Variants in DLG2 observed in about 807,000 individuals in gnomAD.
The protein encoded by DLG2 is disks large homolog 2.
Under a neutral mutation model 132.5 loss-of-function variants are expected in DLG2, and 45 were observed. That is an observed-to-expected ratio of 0.34 (90% CI 0.27 to 0.44). The LOEUF is 0.44. DLG2 is among the 20% of genes least tolerant of loss of function. The pLI, the probability that DLG2 is intolerant of heterozygous loss-of-function variation, is 1.00. For synonymous variants in DLG2, 424 were observed against 419.6 expected, an observed-to-expected ratio of 1.01 and a Z score of -0.13; for missense variants, 1,045 against 1,196.9, an observed-to-expected ratio of 0.87 and a Z score of 1.87.
chr11:85,558,574 A>G (rs763636067), intron 3 of DLG2, among the ~76,000 whole-genome samples: 1 of 151,978 alleles, frequency 6.6e-6, no homozygotes, highest in Non-Finnish European at 1.5e-5. Flanking sequence ...GATAAAGACA[A>G]TGTGGTATAT....
intron 7 of DLG2, among the ~76,000 whole-genome samples, chr11:84,304,379 T>G (rs540911278): frequency 6.6e-6 from 1 of 152,314 alleles, no homozygotes; most frequent in Admixed American, 6.5e-5. Flanking sequence ...ATAGCAACTT[T>G]GAGAGCTCAA....
intron 4 of DLG2, among the ~76,000 whole-genome samples, chr11:85,221,689 A>T (rs1565178242): frequency 1.3e-5 from 2 of 152,302 alleles, no homozygotes; most frequent in Non-Finnish European, 2.9e-5. Flanking sequence ...CATCAACTTT[A>T]TAAGAATTAT....
At chr11:84,570,841 CAA>C (rs1433027353) in intron 6 of DLG2, among the ~76,000 whole-genome samples, 3 of 152,080 alleles carry the variant, frequency 2.0e-5, no homozygotes, top group Non-Finnish European at 4.4e-5. Context: ...ATTAATTTGT[CAA>C]AAAAATTTCC....
intron 7 of DLG2, among the ~76,000 whole-genome samples, chr11:84,403,745 C>T (rs1350543215): frequency 2.6e-5 from 4 of 152,174 alleles, no homozygotes; most frequent in African/African-American, 9.7e-5. Flanking sequence ...GGTGTCTGTC[C>T]CATACTTTAG....
intron 17 of DLG2, chr11:83,791,120 A>G (rs991443706): frequency 3.9e-5 from 26 of 662,340 alleles, no homozygotes; most frequent in Non-Finnish European, 6.7e-5. Context: ...TCTCACCTCC[A>G]TCTTGATGCA....
chr11:84,196,274 G>A lies in DLG2; in HGVS notation c.574-32763C>T, dbSNP rs79040523. 8.3e-3 allele frequency among the ~76,000 whole-genome samples: 1,259 copies of A among 152,240 alleles called. 8 individuals are homozygous for A. Among genetic ancestry groups the A allele is most frequent in the South Asian group, 0.042 (202 of 4,824 alleles). ...CTTTGCTATCTGACTCAAGAGACAA[G>A]AAACAACTTACAATCAATGTCACAG... On this transcript the variant is annotated intron_variant, in intron 8 of 27. Coordinates refer to ENST00000376104, the MANE Select transcript of DLG2 (RefSeq NM_001142699.3).
chr11:84,369,604 C>T (rs890207920), intron 7 of DLG2, among the ~76,000 whole-genome samples: 7 of 152,000 alleles, frequency 4.6e-5, no homozygotes, highest in Non-Finnish European at 8.8e-5. Context: ...TGAAAGTTGG[C>T]CCCTGAAGTA....
chr11:84,200,011 T>C (rs2096571215), intron 8 of DLG2, among the ~76,000 whole-genome samples: 1 of 151,928 alleles, frequency 6.6e-6, no homozygotes, highest in Admixed American at 6.6e-5. Flanking sequence ...ATATTATAAA[T>C]TTTAAAAAAG....
At position 85,149,781 on chromosome 11, in the gene DLG2, A is replaced by G. The variant is rs2077103987; in HGVS notation, c.282+4775T>C. ...TTATAAATATATGAGACTTAACAAA[A>G]TTCAAACTTGACCAGATGGAATGAG... On this transcript the variant is annotated intron_variant, in intron 5 of 27. Transcript: ENST00000376104. Among the ~76,000 whole-genome samples the G allele has an allele frequency of 2.0e-5, 3 of 152,102 alleles. No homozygotes were observed. In the South Asian group the frequency reaches 6.2e-4, roughly 31 times the overall value.
At chr11:84,928,535 A>C (rs1036974669) in intron 6 of DLG2, among the ~76,000 whole-genome samples, 1 of 152,038 alleles carries the variant, frequency 6.6e-6, no homozygotes, top group Non-Finnish European at 1.5e-5. Flanking sequence ...GTAAAGGTGA[A>C]GGTAAAAAGG....
At chr11:83,673,680 A>G (rs1403022411) in intron 18 of DLG2, among the ~76,000 whole-genome samples, 1 of 152,186 alleles carries the variant, frequency 6.6e-6, no homozygotes, top group East Asian at 1.9e-4. Context: ...TGTCTTGAAC[A>G]TTGTGGGAAA....
At chr11:84,081,446 A>G (rs2154155545) in intron 10 of DLG2, among the ~76,000 whole-genome samples, 1 of 151,844 alleles carries the variant, frequency 6.6e-6, no homozygotes, top group Middle Eastern at 3.4e-3. Context: ...AAAAAGAAAA[A>G]AAAAAGTAAC....
chr11:85,341,521 G>T (rs1047491476), intron 3 of DLG2, among the ~76,000 whole-genome samples: 1 of 152,050 alleles, frequency 6.6e-6, no homozygotes, highest in African/African-American at 2.4e-5. Flanking sequence ...TTGCCTAATT[G>T]CATTGGCTGA....
intron 6 of DLG2, among the ~76,000 whole-genome samples, chr11:84,748,470 C>G (rs1034979866): frequency 6.6e-6 from 1 of 152,120 alleles, no homozygotes; most frequent in African/African-American, 2.4e-5. Context: ...TTTCCTTTCT[C>G]TTGAGATATG....
At chr11:85,592,076 T>A (rs1259177550) in intron 3 of DLG2, among the ~76,000 whole-genome samples, 1 of 152,206 alleles carries the variant, frequency 6.6e-6, no homozygotes, top group Non-Finnish European at 1.5e-5. Flanking sequence ...GCCATTTTAG[T>A]CTAGCCCCAA....
chr11:83,805,183 C>T (rs1474225779), intron 17 of DLG2, among the ~76,000 whole-genome samples: 1 of 152,046 alleles, frequency 6.6e-6, no homozygotes, highest in Admixed American at 6.6e-5. Flanking sequence ...TTATTTGAGA[C>T]CATGTAAATA....
intron 11 of DLG2, among the ~76,000 whole-genome samples, chr11:84,031,273 GA>G (rs1474763939): frequency 6.6e-6 from 1 of 151,214 alleles, no homozygotes; most frequent in Non-Finnish European, 1.5e-5. Context: ...CAAATAGGTT[GA>G]AAAAAGAATT....
At chr11:83,575,118 T>C (rs2096854544) in intron 19 of DLG2, among the ~76,000 whole-genome samples, 1 of 152,180 alleles carries the variant, frequency 6.6e-6, no homozygotes. Flanking sequence ...TTTAAAGATG[T>C]AAGAAGGAAC....
intron 7 of DLG2, among the ~76,000 whole-genome samples, chr11:84,289,624 C>T (rs570104206): frequency 6.6e-6 from 1 of 152,190 alleles, no homozygotes; most frequent in Admixed American, 6.5e-5. Context: ...CACAGGAAAA[C>T]CTTTAAAGCT....
Sources: gnomAD v4.1 joint callset for allele counts (sites outside exome capture counted in the v4.1 genomes callset) on GRCh38, gnomAD v4.1.1 for gene constraint, MANE v1.5 for transcripts, NCBI Gene and HGNC (gene_info 2026-07-23, HGNC 2026-07-21) for gene names.